GABRA3: variants seen among roughly 807,000 people sequenced by gnomAD.
GABRA3 encodes the protein gamma-aminobutyric acid receptor subunit alpha-3.
A neutral mutation model predicts 30.1 loss-of-function variants in GABRA3; 10 were observed. The ratio of observed to expected loss-of-function variants is 0.33; its 90% CI spans 0.20 to 0.56. The LOEUF is 0.56. GABRA3 is among the 20% of genes least tolerant of loss of function. GABRA3 has a pLI of 0.89. For synonymous variants in GABRA3, 151 were observed against 146.8 expected (o/e 1.03, Z -0.21); for missense variants, 233 against 392.0 (o/e 0.59, Z 3.42).
At chrX:152,425,503 T>C (rs1930496244) in intron 1 of GABRA3, among the ~76,000 whole-genome samples, 1 of 111,589 alleles carries the variant, frequency 9.0e-6, no homozygotes, top group African/African-American at 3.3e-5. Context: ...TTGTCTTTCA[T>C]GAAAATGAAA....
intron 1 of GABRA3, among the ~76,000 whole-genome samples, chrX:152,421,978 A>G (rs972839892): frequency 2.7e-5 from 3 of 111,618 alleles, no homozygotes; most frequent in Admixed American, 9.6e-5. Flanking sequence ...AAAACTTTGG[A>G]AACTTCTTGG....
intron 3 of GABRA3, among the ~76,000 whole-genome samples, chrX:152,322,865 T>C (rs1249837500): frequency 1.1e-5 from 1 of 87,520 alleles, no homozygotes; most frequent in Non-Finnish European, 2.3e-5. Context: ...TTTTTTTTTT[T>C]TTTTTTGAGA....
intron 1 of GABRA3, among the ~76,000 whole-genome samples, chrX:152,396,333 T>C (rs1250435907): frequency 8.9e-6 from 1 of 112,087 alleles, no homozygotes; most frequent in Non-Finnish European, 1.9e-5. Flanking sequence ...CCTCCAGAAC[T>C]GTGAGAAAAA....
rs150747456 is a variant in GABRA3 at position 152,273,658 on chromosome X, T to A, written c.330+11010A>T. 8.3e-3 allele frequency among the ~76,000 whole-genome samples: 930 copies of A among 112,073 alleles called. 3 individuals carry two copies. The highest frequency in any genetic ancestry group is 0.037 in the Middle Eastern group (8 of 217). ...GCAGAAACTTGGATGGAACTGGAGG[T>A]CATTACGTTATGTAAAATAAGGTAA... On this transcript the variant is annotated intron_variant, in intron 4 of 9. Transcript: ENST00000370314.
At chrX:152,211,835 G>C (rs983289775) in intron 6 of GABRA3, among the ~76,000 whole-genome samples, 2 of 111,737 alleles carry the variant, frequency 1.8e-5, no homozygotes, top group African/African-American at 6.5e-5. Context: ...ATGATACTCA[G>C]AAGATGAGGC....
chrX:152,285,541 T>C (rs1049333335), intron 3 of GABRA3, among the ~76,000 whole-genome samples: 4 of 112,217 alleles, frequency 3.6e-5, no homozygotes, highest in African/African-American at 9.7e-5. Context: ...AAGTTTTGCA[T>C]GAATGGATTA....
intron 5 of GABRA3, among the ~76,000 whole-genome samples, chrX:152,254,979 T>C (rs73621195): frequency 0.2 from 22,376 of 111,385 alleles, 2,430 homozygotes; most frequent in African/African-American, 0.42. Flanking sequence ...TTTTTTCAAA[T>C]TTATTCTTTT....
intron 9 of GABRA3, among the ~76,000 whole-genome samples, chrX:152,175,467 A>G (rs1273404909): frequency 9.0e-6 from 1 of 111,644 alleles, no homozygotes; most frequent in Non-Finnish European, 1.9e-5. Flanking sequence ...AAATGGTAAA[A>G]CACAGCTCCT....
intron 1 of GABRA3, among the ~76,000 whole-genome samples, chrX:152,413,232 T>TA (rs1215905622): frequency 1.6e-3 from 173 of 106,097 alleles, no homozygotes; most frequent in Admixed American, 5.0e-3. Context: ...TACCATATAT[T>TA]AAAAAAAAAA....
At chrX:152,320,105 A>G (rs879059138) in intron 3 of GABRA3, among the ~76,000 whole-genome samples, 10 of 111,630 alleles carry the variant, frequency 9.0e-5, no homozygotes, top group African/African-American at 3.3e-4. Flanking sequence ...AAAAGGGCAC[A>G]CTTCTACACT....
At chrX:152,405,160 T>C (rs1929897679) in intron 1 of GABRA3, among the ~76,000 whole-genome samples, 1 of 107,904 alleles carries the variant, frequency 9.3e-6, no homozygotes, top group African/African-American at 3.4e-5. Context: ...TCTGTGTGCT[T>C]GGAGGAGGGA....
intron 1 of GABRA3, among the ~76,000 whole-genome samples, chrX:152,399,438 G>A (rs1012110764): frequency 2.7e-5 from 3 of 111,205 alleles, no homozygotes; most frequent in Non-Finnish European, 3.8e-5. Flanking sequence ...AAAAAGAAGC[G>A]GAAGAATTTT....
At chrX:152,227,686 C>T (rs1227039127) in intron 5 of GABRA3, among the ~76,000 whole-genome samples, 3 of 108,068 alleles carry the variant, frequency 2.8e-5, no homozygotes, top group Non-Finnish European at 5.7e-5. Context: ...ACCCTGGTTG[C>T]CTGGAACTAA....
intron 3 of GABRA3, among the ~76,000 whole-genome samples, chrX:152,311,025 C>G (rs757239407): frequency 1.3e-4 from 14 of 110,958 alleles, no homozygotes; most frequent in African/African-American, 4.6e-4. Flanking sequence ...AAATTGAAAC[C>G]CTGAGCAAAT....
Position 152,430,429 on chromosome X carries a change from T to C in GABRA3, c.-27+20717A>G, listed in dbSNP as rs199922146. Among the ~76,000 whole-genome samples the C allele has an allele frequency of 4.5e-5, 5 of 111,487 alleles. No homozygotes were observed. In the East Asian group the frequency reaches 1.1e-3, roughly 25 times the overall value. ...ACCAGACGATGAGGCAGGGAACTCC[T>C]AGGCAGAATAACTCTAAAAATGCTA... is the stretch of plus-strand genomic sequence containing the variant. On this transcript the variant is annotated intron_variant, in intron 1 of 9. Transcript: ENST00000370314.
intron 3 of GABRA3, among the ~76,000 whole-genome samples, chrX:152,320,747 A>G (rs1939950952): frequency 9.0e-6 from 1 of 111,687 alleles, no homozygotes; most frequent in South Asian, 3.7e-4. Flanking sequence ...AACAAAAAAA[A>G]TAAAGATGGA....
At chrX:152,337,943 G>T (rs1423246519) in intron 3 of GABRA3, among the ~76,000 whole-genome samples, 1 of 112,233 alleles carries the variant, frequency 8.9e-6, no homozygotes, top group Non-Finnish European at 1.9e-5. Flanking sequence ...TCTGTTAATG[G>T]GCACTTAGGT....
chrX:152,243,438 G>T (rs1334075662), intron 5 of GABRA3, among the ~76,000 whole-genome samples: 1 of 111,774 alleles, frequency 8.9e-6, no homozygotes, highest in African/African-American at 3.3e-5. Flanking sequence ...ACATTCTGTT[G>T]TACACCATAA....
At chrX:152,196,102 C>T (rs73619375) in intron 8 of GABRA3, among the ~76,000 whole-genome samples, 23,128 of 108,007 alleles carry the variant, frequency 0.21, 1,867 homozygotes, top group Admixed American at 0.27. Context: ...AGAATGGTTT[C>T]GGCCGGGTGC....
Sources: allele counts gnomAD v4.1 joint callset (sites outside exome capture counted in the v4.1 genomes callset), GRCh38; gene constraint gnomAD v4.1.1; transcripts MANE v1.5; gene names NCBI Gene and HGNC (gene_info 2026-07-23, HGNC 2026-07-21).